NLRP9: variants seen among roughly 807,000 people sequenced by gnomAD.
The protein encoded by NLRP9 is NACHT, LRR and PYD domains-containing protein 9.
Under a neutral mutation model 83.1 loss-of-function variants are expected in NLRP9, and 88 were observed. The ratio of observed to expected loss-of-function variants is 1.06; its 90% CI spans 0.89 to 1.26. The LOEUF (loss-of-function observed/expected upper bound fraction) is 1.26. NLRP9 is among the 50% of genes most tolerant of loss of function. The pLI is 0.00. For missense variants in NLRP9, 1,308 were observed against 1,179.3 expected, an observed-to-expected ratio of 1.11 and a Z score of -1.60; for synonymous variants, 521 against 447.6, an observed-to-expected ratio of 1.16 and a Z score of -2.07.
Position 55,732,155 on chromosome 19 carries a change from G to T in NLRP9, c.1676C>A (p.Thr559Asn), listed in dbSNP as rs753537736. Reference protein sequence around the residue: ...LFETQEKEFVTKVMNFFEEVF... With the variant: ...LFETQEKEFVNKVMNFFEEVF... ...TTCTTCAAAGAAATTCATCACTTTG[G>T]TTACAAATTCTTTTTCCTGAGTTTC... is the stretch of plus-strand genomic sequence containing the variant. Residue 559 changes from threonine (T) to asparagine (N), a missense_variant, in exon 2 of 9, where the codon ACC becomes AAC. Coordinates refer to ENST00000332836, the MANE Select transcript of NLRP9 (RefSeq NM_176820.4). 1.9e-6 allele frequency: 3 copies of T among 1,613,004 alleles called. No homozygotes were observed. Among genetic ancestry groups the T allele is most frequent in the Non-Finnish European group, 1.7e-6 (2 of 1,179,764 alleles).
At chr19:55,709,786 GT>G (rs1370687910) in intron 8 of NLRP9, 1 of 151,984 alleles carries the variant, frequency 6.6e-6, no homozygotes, top group African/African-American at 2.4e-5. Context: ...TGCTTTATAC[GT>G]TGAATCTCTG....
intron 5 of NLRP9, among the ~76,000 whole-genome samples, chr19:55,716,387 T>C (rs1479380143): frequency 6.6e-6 from 1 of 151,366 alleles, no homozygotes; most frequent in Admixed American, 6.6e-5. Flanking sequence ...GCCTCCCGAG[T>C]AGCTGGGAGT....
chr19:55,732,819 A>G lies in NLRP9; in HGVS notation c.1012T>C (p.Phe338Leu). The G allele has an allele frequency of 6.2e-7, 1 of 1,614,200 alleles. No homozygotes were observed. Among genetic ancestry groups the G allele is most frequent in the South Asian group, 1.1e-5 (1 of 91,086 alleles). The part of the protein sequence containing the change: ...GPLFILCHNP[F>L]TCWLVCTCVK... ...CAAGTACAGACCAACCAGCACGTAA[A>G]GGGATTATGGCACAAGATAAACAGC... Residue 338 changes from phenylalanine to leucine, a missense_variant, in exon 2 of 9, where the codon TTT becomes CTT. By Grantham distance (22) the Phe-to-Leu change is conservative. Transcript: ENST00000332836.
chr19:55,715,344 T>C, intron 5 of NLRP9, 119 bp from the exon 6 acceptor site: 1 of 890,756 alleles, frequency 1.1e-6, no homozygotes, highest in Non-Finnish European at 1.7e-6. Context: ...ATTTTCTTTG[T>C]CCCAGGCAAA....
intron 8 of NLRP9, 34 bp from the exon 9 acceptor site, chr19:55,709,078 T>G (rs2287831): frequency 0.11 from 171,825 of 1,522,616 alleles, 11,985 homozygotes; most frequent in African/African-American, 0.31. Context: ...TTTTTTTTGT[T>G]TTTCATTTTT....
At chr19:55,735,761 C>T (rs926972195) in intron 1 of NLRP9, among the ~76,000 whole-genome samples, 1 of 152,022 alleles carries the variant, frequency 6.6e-6, no homozygotes, top group African/African-American at 2.4e-5. Flanking sequence ...GATTGTGGCT[C>T]ACTGCAACTT....
At chr19:55,711,106 AAC>A (rs1441088493) in intron 8 of NLRP9, among the ~76,000 whole-genome samples, 4 of 108,358 alleles carry the variant, frequency 3.7e-5, no homozygotes, top group Non-Finnish European at 5.6e-5. Flanking sequence ...AACAAAACAA[AAC>A]AAAAAAAAAA....
intron 8 of NLRP9, 81 bp from the exon 9 acceptor site, chr19:55,709,125 C>T (rs1568589624): frequency 4.4e-6 from 4 of 916,594 alleles, no homozygotes; most frequent in Middle Eastern, 2.7e-4. Flanking sequence ...ATGTCTACCT[C>T]TCCTCTCCTC....
intron 3 of NLRP9, among the ~76,000 whole-genome samples, chr19:55,729,436 C>T (rs1410066272): frequency 6.6e-6 from 1 of 152,078 alleles, no homozygotes; most frequent in African/African-American, 2.4e-5. Flanking sequence ...CTTCCTGTGC[C>T]CATGTGTTCT....
At chr19:55,720,862 TCAAA>T (rs1483163528) in intron 4 of NLRP9, among the ~76,000 whole-genome samples, 1 of 152,096 alleles carries the variant, frequency 6.6e-6, no homozygotes. Flanking sequence ...CATCAGCACA[TCAAA>T]CAGACATATC....
chr19:55,717,043 T>TA lies in NLRP9; in HGVS notation c.2160-146_2160-145insT, dbSNP rs1415317283. ...CTACAGACTCTTTTTCTTTTTTTTT[T>TA]TTTTTTTTGAGAAGGAATCTCACTC... On this transcript the variant is annotated intron_variant, in intron 4 of 8. Transcript: ENST00000332836. 1.1e-5 allele frequency: 7 copies of TA among 611,942 alleles called. No individual in the cohort carries two copies. In the East Asian group the frequency reaches 1.7e-4, roughly 15 times the overall value. The allele number at this position is 611,942 out of a possible 1,614,324, so 37.9% of individuals were successfully genotyped here. A position where few individuals can be genotyped will look rare whatever the true frequency, so the allele number is the denominator to read the frequency against.
At chr19:55,712,089 C>A in intron 7 of NLRP9, 119 bp from the exon 8 acceptor site, 1 of 1,022,052 alleles carries the variant, frequency 9.8e-7, no homozygotes, top group South Asian at 1.5e-5. Context: ...TAGACCCGGG[C>A]TTCTCAGCCA....
intron 3 of NLRP9, among the ~76,000 whole-genome samples, chr19:55,726,784 T>G (rs1988416280): frequency 6.6e-6 from 1 of 152,192 alleles, no homozygotes; most frequent in Non-Finnish European, 1.5e-5. Context: ...GTTGAAGGAA[T>G]GAGCTCTGGC....
Position 55,724,106 on chromosome 19 carries a change from A to C in NLRP9, c.2033T>G (p.Phe678Cys). 1.2e-6 allele frequency: 2 copies of C among 1,613,398 alleles called. No homozygotes were observed. Among genetic ancestry groups the C allele is most frequent in the South Asian group, 2.2e-5 (2 of 90,984 alleles). ...ATGAGGGTTGTGAAGAACTGCCTTA[A>C]ATAATTCTGAATCATGTCCAAAGTA... Reference protein sequence around the residue: ...SVYFGHDSELFKAVLHNPHLK... With the variant: ...SVYFGHDSELCKAVLHNPHLK... Residue 678 changes from phenylalanine to cysteine, a missense_variant, in exon 4 of 9, where the codon TTT becomes TGT. Transcript: ENST00000332836.
intron 5 of NLRP9, 55 bp downstream of exon 5, chr19:55,716,673 G>A (rs1343546121): frequency 6.8e-7 from 1 of 1,460,870 alleles, no homozygotes; most frequent in Non-Finnish European, 9.6e-7. Flanking sequence ...ATAATGGGTG[G>A]ATCCAGGTGC....
chr19:55,711,989 C>A lies in NLRP9; in HGVS notation c.2673-19G>T. 1 of 1,608,820 alleles carries A rather than the reference C, an allele frequency of 6.2e-7. No homozygotes were observed. Among genetic ancestry groups the A allele is most frequent in the Non-Finnish European group, 8.5e-7 (1 of 1,176,758 alleles). On this transcript the variant is annotated intron_variant, in intron 7 of 8. Transcript: ENST00000332836. ...TTGCAGCCTGCAAAAGGGAAACACA[C>A]CAGAGAATCCACTCTAGCTTTGGGT... is the stretch of plus-strand genomic sequence containing the variant.
chr19:55,724,233 T>TTCAGG, intron 3 of NLRP9, 89 bp from the exon 4 acceptor site: 8 of 852,694 alleles, frequency 9.4e-6, no homozygotes, highest in South Asian at 1.9e-5. Flanking sequence ...CTGCCCTGAA[T>TTCAGG]GCTGGGCCTC....
intron 4 of NLRP9, among the ~76,000 whole-genome samples, chr19:55,719,672 T>C (rs1231732025): frequency 2.0e-5 from 3 of 152,190 alleles, no homozygotes; most frequent in Admixed American, 6.6e-5. Flanking sequence ...GAAACTATGA[T>C]GGGGATCTCT....
chr19:55,711,591 G>C, intron 8 of NLRP9: 2 of 904,810 alleles, frequency 2.2e-6, no homozygotes, highest in Non-Finnish European at 3.4e-6. Context: ...AGTGCTACTG[G>C]CAACTCATGA....
Sources: gnomAD v4.1 joint callset for allele counts (sites outside exome capture counted in the v4.1 genomes callset) on GRCh38, gnomAD v4.1.1 for gene constraint, MANE v1.5 for transcripts, NCBI Gene and HGNC (gene_info 2026-07-23, HGNC 2026-07-21) for gene names.